Variants in AVL9 observed in about 807,000 individuals in gnomAD.
AVL9 encodes AVL9 cell migration associated.
A neutral mutation model predicts 79.2 loss-of-function variants in AVL9; 49 were observed. The observed-to-expected ratio is 0.62, with a 90% CI of 0.49 to 0.79. The LOEUF is 0.79. Among genes scored for constraint, AVL9 ranks in the 30% least tolerant of loss-of-function variants. The pLI is 0.00. For synonymous variants in AVL9, 299 were observed against 280.6 expected, an observed-to-expected ratio of 1.07 and a Z score of -0.65; for missense variants, 682 against 776.8, an observed-to-expected ratio of 0.88 and a Z score of 1.45.
At chr7:32,534,327 C>G (rs2128130149) in intron 1 of AVL9, 1 of 152,070 alleles carries the variant, frequency 6.6e-6, no homozygotes, top group Middle Eastern at 3.4e-3. Context: ...TAGTAGCAGC[C>G]TTTCTGGGGA....
chr7:32,572,804 A>AAAAAAAAAAAAT, intron 11 of AVL9, among the ~76,000 whole-genome samples: 1 of 151,212 alleles, frequency 6.6e-6, no homozygotes, highest in Non-Finnish European at 1.5e-5. Context: ...TCCGTCTCAA[A>AAAAAAAAAAAAT]AAAAAAAAAA....
intron 8 of AVL9, among the ~76,000 whole-genome samples, 155 bp downstream of exon 8, chr7:32,554,751 G>A (rs7799958): frequency 9.2e-5 from 14 of 152,012 alleles, no homozygotes; most frequent in Non-Finnish European, 1.8e-4. Context: ...GTTCTCTGCC[G>A]TAAAAATATA....
chr7:32,576,049 A>G lies in AVL9; in HGVS notation c.1665A>G (p.Pro555=). 6.2e-7 allele frequency: 1 copy of G among 1,613,906 alleles called. No homozygotes were observed. The highest frequency in any genetic ancestry group is 8.5e-7 in the Non-Finnish European group (1 of 1,179,762). Reference sequence around the variant, plus strand: ...GGGTGTGGAACAGCAACAAGCATCCAGCACTTGCAGAAATAAATCCAAAGT... The same window carrying G: ...GGGTGTGGAACAGCAACAAGCATCCGGCACTTGCAGAAATAAATCCAAAGT... ...NYRVWNSNKH[P]ALAEINPNHP... Residue 555 remains proline (P), a synonymous_variant, in exon 13 of 16, where the codon CCA becomes CCG. Transcript: ENST00000318709.
chr7:32,572,063 G>A (rs1403407881), intron 11 of AVL9, among the ~76,000 whole-genome samples: 2 of 151,780 alleles, frequency 1.3e-5, no homozygotes, highest in African/African-American at 4.9e-5. Context: ...GCGGGAGGCT[G>A]AGGCAGGAGA....
intron 1 of AVL9, chr7:32,535,491 G>A (rs1166208793): frequency 6.6e-6 from 1 of 152,146 alleles, no homozygotes; most frequent in Non-Finnish European, 1.5e-5. Flanking sequence ...TTTACTTTTT[G>A]TTCCTTATTT....
At chr7:32,496,570 T>C (rs1786824326) in intron 1 of AVL9, among the ~76,000 whole-genome samples, 1 of 152,176 alleles carries the variant, frequency 6.6e-6, no homozygotes, top group African/African-American at 2.4e-5. Context: ...GAGAACAAAA[T>C]AGAAACAGGA....
At chr7:32,548,155 T>TG (rs113839949) in intron 3 of AVL9, among the ~76,000 whole-genome samples, 4,604 of 142,928 alleles carry the variant, frequency 0.032, 380 homozygotes, top group African/African-American at 0.11. Flanking sequence ...TTTTTTCTTT[T>TG]TTTTTTTTTT....
chr7:32,565,774 G>A (rs1029787513), intron 10 of AVL9, among the ~76,000 whole-genome samples: 6 of 152,044 alleles, frequency 3.9e-5, no homozygotes, highest in East Asian at 1.9e-4. Context: ...TTGGGAGGCC[G>A]AGGCGGGCAC....
chr7:32,529,846 A>G (rs1212000188), intron 1 of AVL9, among the ~76,000 whole-genome samples: 1 of 152,132 alleles, frequency 6.6e-6, no homozygotes, highest in Non-Finnish European at 1.5e-5. Flanking sequence ...GTCCTTATGC[A>G]CCCCTTCCTA....
rs1791866503 is a variant in AVL9 at position 32,587,908 on chromosome 7, CAT to C, written c.*4002_*4003del. On this transcript the variant is annotated 3_prime_UTR_variant, in exon 16 of 16. Coordinates refer to ENST00000318709, the MANE Select transcript of AVL9 (RefSeq NM_015060.3). ...CTTTTCATATGAATGACTTTGTACA[CAT>C]GACTTCCTGCTTTCATTATGAAGGA... is the stretch of plus-strand genomic sequence containing the variant. 6.6e-6 allele frequency: 1 copy of C among 152,186 alleles called. No individual in the cohort carries two copies. 9.4% of individuals were successfully genotyped at this position (152,186 alleles called of 1,614,324 possible). A position where few individuals can be genotyped will look rare whatever the true frequency, so the allele number is the denominator to read the frequency against.
intron 1 of AVL9, among the ~76,000 whole-genome samples, chr7:32,516,316 T>A (rs1160222961): frequency 1.3e-5 from 2 of 152,060 alleles, no homozygotes; most frequent in African/African-American, 4.8e-5. Context: ...GGAAGTTGTT[T>A]AGGATCCTAA....
At chr7:32,501,565 T>C (rs944533671) in intron 1 of AVL9, among the ~76,000 whole-genome samples, 1 of 152,232 alleles carries the variant, frequency 6.6e-6, no homozygotes, top group Non-Finnish European at 1.5e-5. Context: ...TTAGCAGGGC[T>C]GCAGCATTGA....
chr7:32,498,383 G>C (rs1223575394), intron 1 of AVL9, among the ~76,000 whole-genome samples: 1 of 151,678 alleles, frequency 6.6e-6, no homozygotes, highest in Non-Finnish European at 1.5e-5. Flanking sequence ...CAAGTAGCTG[G>C]GATTACAGGC....
intron 1 of AVL9, among the ~76,000 whole-genome samples, chr7:32,521,432 G>A (rs1788149526): frequency 6.6e-6 from 1 of 152,162 alleles, no homozygotes; most frequent in Non-Finnish European, 1.5e-5. Flanking sequence ...GGTGACTTTT[G>A]TTATGTTTTA....
rs753478508 is a variant in AVL9, at chr7:32,551,340, T to C, written c.379T>C (p.Tyr127His). ...SVCVLSKLPLYGLLQAKLQLI... is the reference protein window; with the variant it reads ...SVCVLSKLPLHGLLQAKLQLI... ...TTCTCTTTTTTCCTTTAAGCCTCTGTATGGTTTACTTCAAGCAAAACTTCA... is the reference window on the plus strand; with the variant it reads ...TTCTCTTTTTTCCTTTAAGCCTCTGCATGGTTTACTTCAAGCAAAACTTCA... The change falls in exon 5 of 16, where the codon TAT (tyrosine) becomes CAT (histidine). Residue 127 changes from tyrosine to histidine, a missense_variant. Coordinates refer to ENST00000318709, the MANE Select transcript of AVL9 (RefSeq NM_015060.3). The C allele has an allele frequency of 3.5e-5, 56 of 1,600,594 alleles. No individual in the cohort carries two copies. Among genetic ancestry groups the C allele is most frequent in the Non-Finnish European group, 4.8e-5 (56 of 1,169,018 alleles).
In AVL9 at chr7:32,573,227, A is replaced by C. The variant is rs755031466; in HGVS notation, c.1379A>C (p.Asp460Ala). 6 of 1,613,898 alleles carry C rather than the reference A, an allele frequency of 3.7e-6. No individual in the cohort carries two copies. In the East Asian group the frequency reaches 1.3e-4, roughly 36 times the overall value. ...GAAGAAGCTCTGATCCAGATCCATGATCCAGAACTCAGGAAGCTGCTTAAC... is the reference window on the plus strand; with the variant it reads ...GAAGAAGCTCTGATCCAGATCCATGCTCCAGAACTCAGGAAGCTGCTTAAC... ...EVEEALIQIH[D>A]PELRKLLNPT... The change falls in exon 12 of 16, where the codon GAT (aspartate) becomes GCT (alanine). Residue 460 changes from aspartate to alanine, a missense_variant. Asp to Ala is a moderately radical substitution (Grantham distance 126). Coordinates refer to ENST00000318709, the MANE Select transcript of AVL9 (RefSeq NM_015060.3).
chr7:32,552,172 T>C, intron 5 of AVL9, 57 bp from the exon 6 acceptor site: 1 of 1,100,212 alleles, frequency 9.1e-7, no homozygotes, highest in East Asian at 2.4e-5. Context: ...TCAATATATT[T>C]CTAATTCAGA....
intron 3 of AVL9, among the ~76,000 whole-genome samples, chr7:32,548,165 T>TTTTTTTTG (rs1789622192): frequency 6.6e-6 from 1 of 150,390 alleles, no homozygotes; most frequent in Non-Finnish European, 1.5e-5. Flanking sequence ...TTTTTTTTTT[T>TTTTTTTTG]GAGACGGAGT....
chr7:32,528,318 G>T (rs1360693693), intron 1 of AVL9, among the ~76,000 whole-genome samples: 1 of 152,128 alleles, frequency 6.6e-6, no homozygotes, highest in East Asian at 1.9e-4. Context: ...AACCACCTTG[G>T]GCATGTGTCC....
Sources: gnomAD v4.1 joint callset for allele counts (sites outside exome capture counted in the v4.1 genomes callset) on GRCh38, gnomAD v4.1.1 for gene constraint, MANE v1.5 for transcripts, NCBI Gene and HGNC (gene_info 2026-07-23, HGNC 2026-07-21) for gene names.